PDGFD: variants seen among roughly 807,000 people sequenced by gnomAD.
The protein encoded by PDGFD is platelet-derived growth factor D.
A neutral mutation model predicts 44.7 loss-of-function variants in PDGFD; 30 were observed. The observed-to-expected ratio is 0.67, with a 90% CI of 0.50 to 0.91. The LOEUF is 0.91. PDGFD is among the 40% of genes least tolerant of loss of function. The pLI is 0.00. For synonymous variants in PDGFD, 173 were observed against 168.4 expected (o/e 1.03, Z -0.21); for missense variants, 445 against 457.8 (o/e 0.97, Z 0.25).
At chr11:103,920,128 A>G (rs566033) in intron 6 of PDGFD, among the ~76,000 whole-genome samples, 84,340 of 152,086 alleles carry the variant, frequency 0.55, 24,401 homozygotes, top group African/African-American at 0.72. Context: ...GACATAAATG[A>G]CAAACAGCTC....
At chr11:103,957,562 G>A (rs112810586) in intron 3 of PDGFD, among the ~76,000 whole-genome samples, 6,086 of 152,072 alleles carry the variant, frequency 0.04, 185 homozygotes, top group African/African-American at 0.082. Context: ...AAATAATGCC[G>A]CATATCTACA....
intron 1 of PDGFD, among the ~76,000 whole-genome samples, chr11:104,062,609 T>C (rs1422252936): frequency 6.6e-6 from 1 of 152,186 alleles, no homozygotes; most frequent in African/African-American, 2.4e-5. Context: ...ACTTAAATCT[T>C]GAGTTTATTG....
intron 2 of PDGFD, among the ~76,000 whole-genome samples, chr11:103,998,095 T>C (rs1370469704): frequency 6.6e-6 from 1 of 152,192 alleles, no homozygotes; most frequent in African/African-American, 2.4e-5. Context: ...TTCTGTGATA[T>C]TGTAATAATA....
At chr11:104,114,448 T>C (rs1179399029) in intron 1 of PDGFD, among the ~76,000 whole-genome samples, 5 of 152,092 alleles carry the variant, frequency 3.3e-5, no homozygotes. Flanking sequence ...GTTCCACTGA[T>C]CTATTGGTAT....
chr11:103,955,205 A>AAAAAAAAAAAAAAAAAAAC (rs1858823388), intron 3 of PDGFD, among the ~76,000 whole-genome samples: 1 of 133,206 alleles, frequency 7.5e-6, no homozygotes, highest in Non-Finnish European at 1.7e-5. Flanking sequence ...AAAAAAAAAA[A>AAAAAAAAAAAAAAAAAAAC]AAAACAGTAA....
intron 6 of PDGFD, among the ~76,000 whole-genome samples, chr11:103,914,484 G>A (rs1858082698): frequency 6.6e-6 from 1 of 152,122 alleles, no homozygotes; most frequent in Non-Finnish European, 1.5e-5. Context: ...AAAAGTCCAG[G>A]ACCAGACGGA....
intron 1 of PDGFD, among the ~76,000 whole-genome samples, chr11:104,004,806 A>T (rs934023932): frequency 2.1e-5 from 3 of 145,382 alleles, no homozygotes; most frequent in East Asian, 2.0e-4. Flanking sequence ...TATACAGATG[A>T]TCTCTTGTGT....
intron 1 of PDGFD, among the ~76,000 whole-genome samples, chr11:104,026,352 G>A (rs1048941271): frequency 6.6e-6 from 1 of 151,978 alleles, no homozygotes; most frequent in African/African-American, 2.4e-5. Flanking sequence ...CTATTGGTGA[G>A]TAGAAGAAAA....
intron 1 of PDGFD, among the ~76,000 whole-genome samples, chr11:104,135,922 A>G (rs115703385): frequency 0.13 from 19,712 of 152,070 alleles, 1,382 homozygotes; most frequent in East Asian, 0.29. Flanking sequence ...ACCAGCTCCA[A>G]GAGCTTTGGA....
intron 1 of PDGFD, among the ~76,000 whole-genome samples, chr11:104,145,900 C>A (rs8181546): frequency 3.9e-5 from 6 of 152,074 alleles, no homozygotes; most frequent in African/African-American, 1.2e-4. Flanking sequence ...CTTCCACATA[C>A]GCAAGGAGGA....
chr11:104,059,149 T>G (rs1170475768), intron 1 of PDGFD, among the ~76,000 whole-genome samples: 1 of 136,180 alleles, frequency 7.3e-6, no homozygotes, highest in Non-Finnish European at 1.6e-5. Flanking sequence ...TATACTTCAA[T>G]AAATCCATCT....
chr11:103,913,574 A>C (rs188539678), intron 6 of PDGFD, among the ~76,000 whole-genome samples: 1 of 152,242 alleles, frequency 6.6e-6, no homozygotes, highest in East Asian at 1.9e-4. Flanking sequence ...AGACACCTTA[A>C]CATCACAATT....
intron 5 of PDGFD, among the ~76,000 whole-genome samples, chr11:103,927,878 G>C (rs372955293): frequency 1.3e-5 from 2 of 152,292 alleles, no homozygotes; most frequent in South Asian, 2.1e-4. Flanking sequence ...ATCATTTGAA[G>C]AATTGAATGT....
Position 104,139,914 on chromosome 11 carries a change from G to C in PDGFD, c.124+23890C>G, listed in dbSNP as rs1862061524. 5.8e-5 allele frequency among the ~76,000 whole-genome samples: 4 copies of C among 68,470 alleles called. 2 individuals carry two copies. The South Asian group carries it at 1.6e-3, about 27-fold the overall frequency. 44.9% of individuals were successfully genotyped at this position (68,470 alleles called of 152,430 possible). A position where few individuals can be genotyped will look rare whatever the true frequency, so the allele number is the denominator to read the frequency against. ...AAAAAAAAAAAAATACAAAAAATTA[G>C]CCGGGCGCGGTGGCGGGCGCCTGTA... On this transcript the variant is annotated intron_variant, in intron 1 of 6. Coordinates refer to ENST00000393158, the MANE Select transcript of PDGFD (RefSeq NM_025208.5).
intron 1 of PDGFD, among the ~76,000 whole-genome samples, chr11:104,110,187 A>T (rs754441094): frequency 6.6e-6 from 1 of 152,178 alleles, no homozygotes; most frequent in Non-Finnish European, 1.5e-5. Context: ...CTGAGCAAGA[A>T]AGTAGGATTA....
intron 1 of PDGFD, among the ~76,000 whole-genome samples, chr11:104,004,325 G>T (rs971737154): frequency 3.3e-5 from 5 of 152,146 alleles, no homozygotes; most frequent in Non-Finnish European, 7.4e-5. Context: ...CAGGATGCTT[G>T]TGTCTGTGCT....
At chr11:103,916,367 GC>G (rs1858125535) in intron 6 of PDGFD, among the ~76,000 whole-genome samples, 1 of 152,296 alleles carries the variant, frequency 6.6e-6, no homozygotes, top group Admixed American at 6.5e-5. Flanking sequence ...TTAGAGAAAT[GC>G]AAAACAAAAC....
chr11:103,909,431 T>A lies in PDGFD; in HGVS notation c.*263A>T. 1 of 402,454 alleles carries A rather than the reference T, an allele frequency of 2.5e-6. No homozygotes were observed. The highest frequency in any genetic ancestry group is 4.6e-6 in the Non-Finnish European group (1 of 217,970). The allele number at this position is 402,454 out of a possible 1,614,324, so 24.9% of individuals were successfully genotyped here. A position where few individuals can be genotyped will look rare whatever the true frequency, so the allele number is the denominator to read the frequency against. On this transcript the variant is annotated 3_prime_UTR_variant, in exon 7 of 7. Transcript: ENST00000393158. The stretch of plus-strand genomic sequence containing the variant: ...TGATCTATATACACATAGACATGAA[T>A]ATATTTCTGTGTGTGTTTGTGCATA...
intron 1 of PDGFD, among the ~76,000 whole-genome samples, chr11:104,093,996 T>C (rs1388552154): frequency 6.6e-6 from 1 of 151,772 alleles, no homozygotes; most frequent in Non-Finnish European, 1.5e-5. Context: ...CTGCCTGCCT[T>C]ATCATTCCAC....
Sources: gnomAD v4.1 joint callset for allele counts (sites outside exome capture counted in the v4.1 genomes callset) on GRCh38, gnomAD v4.1.1 for gene constraint, MANE v1.5 for transcripts, NCBI Gene and HGNC (gene_info 2026-07-23, HGNC 2026-07-21) for gene names.